The following RBFOX3 variants were observed in gnomAD, a reference collection of about 807,000 sequenced individuals.
The protein encoded by RBFOX3 is RNA binding protein fox-1 homolog 3.
A neutral mutation model predicts 48.7 loss-of-function variants in RBFOX3; 17 were observed. The ratio of observed to expected loss-of-function variants is 0.35; its 90% CI spans 0.24 to 0.52. RBFOX3 has a LOEUF of 0.52. Ranked by LOEUF, RBFOX3 falls within the 20% of genes least tolerant of loss-of-function variation. RBFOX3 has a pLI of 0.94. For synonymous variants in RBFOX3, 212 were observed against 209.5 expected, an observed-to-expected ratio of 1.01 and a Z score of -0.10; for missense variants, 382 against 497.5, an observed-to-expected ratio of 0.77 and a Z score of 2.21.
intron 2 of RBFOX3, among the ~76,000 whole-genome samples, chr17:79,347,171 TC>T (rs1239913054): frequency 6.6e-6 from 1 of 152,226 alleles, no homozygotes; most frequent in Admixed American, 6.5e-5. Flanking sequence ...AATATATCAC[TC>T]CATTGTCTTC....
chr17:79,182,517 A>T (rs2052274317), intron 4 of RBFOX3, among the ~76,000 whole-genome samples: 1 of 152,036 alleles, frequency 6.6e-6, no homozygotes, highest in South Asian at 2.1e-4. Flanking sequence ...GTGGCAGCGC[A>T]GGACCCCCGT....
At chr17:79,376,987 C>T (rs1253831540) in intron 2 of RBFOX3, among the ~76,000 whole-genome samples, 8 of 152,110 alleles carry the variant, frequency 5.3e-5, no homozygotes, top group Non-Finnish European at 8.8e-5. Flanking sequence ...GACCAAGGCT[C>T]GCTGCTCCCT....
At position 79,471,829 on chromosome 17, in the gene RBFOX3, C is replaced by T. The variant is rs1022882374; in HGVS notation, c.-175+10625G>A. ...CACACCTAGCGCCCCGTGTGTGACC[C>T]GGGATCCCACCGTTCTCCAGGGTCG... is the stretch of plus-strand genomic sequence containing the variant. On this transcript the variant is annotated intron_variant, in intron 2 of 14. Transcript: ENST00000693108. The surrounding 1 kb of genome is among the most constrained non-coding windows in gnomAD (Gnocchi z 4.0). Among the ~76,000 whole-genome samples, 1 of 152,122 alleles carries T rather than the reference C, an allele frequency of 6.6e-6. No homozygotes were observed.
At chr17:79,141,973 AGAG>A (rs2042010639) in intron 4 of RBFOX3, among the ~76,000 whole-genome samples, 2 of 152,204 alleles carry the variant, frequency 1.3e-5, no homozygotes, top group Non-Finnish European at 1.5e-5. Context: ...ACCCTGAGAA[AGAG>A]GAGGAGACGG....
At chr17:79,547,992 C>T (rs1555792482) in intron 1 of RBFOX3, among the ~76,000 whole-genome samples, 1 of 152,198 alleles carries the variant, frequency 6.6e-6, no homozygotes, top group Non-Finnish European at 1.5e-5. Context: ...GGACCAGCTT[C>T]CCTCCTCACC....
chr17:79,483,806 C>CA (rs1358554955), intron 1 of RBFOX3, among the ~76,000 whole-genome samples: 10 of 152,224 alleles, frequency 6.6e-5, no homozygotes, highest in Non-Finnish European at 2.9e-5. Flanking sequence ...AATGAACCCA[C>CA]AAAAGTTACT....
At chr17:79,206,973 C>T (rs2057590991) in intron 4 of RBFOX3, among the ~76,000 whole-genome samples, 1 of 152,166 alleles carries the variant, frequency 6.6e-6, no homozygotes, top group Admixed American at 6.5e-5. Context: ...CAAAATAAAC[C>T]TCCTGCATGC....
At chr17:79,371,574 C>A (rs11650345) in intron 2 of RBFOX3, among the ~76,000 whole-genome samples, 19,284 of 152,166 alleles carry the variant, frequency 0.13, 1,700 homozygotes, top group Non-Finnish European at 0.2. Flanking sequence ...AAAATCGAGA[C>A]GCCCAGAGTG....
intron 1 of RBFOX3, among the ~76,000 whole-genome samples, chr17:79,495,481 CAAGAAGGTGG>C (rs2081323796): frequency 1.2e-4 from 1 of 8,414 alleles, no homozygotes; most frequent in Non-Finnish European, 2.2e-4. Flanking sequence ...TGCAAAAAGG[CAAGAAGGTGG>C]GGGAGGGGTG....
At chr17:79,547,652 T>A (rs2090627851) in intron 1 of RBFOX3, among the ~76,000 whole-genome samples, 2 of 152,032 alleles carry the variant, frequency 1.3e-5, no homozygotes, top group African/African-American at 4.8e-5. Flanking sequence ...TCGGGGAACA[T>A]CCACTGGGGA....
chr17:79,339,063 CT>C (rs71365555), intron 2 of RBFOX3, among the ~76,000 whole-genome samples: 49,469 of 146,382 alleles, frequency 0.34, 8,915 homozygotes, highest in South Asian at 0.45. Context: ...CTTTTCTTTT[CT>C]TTTTTTTTTT....
chr17:79,371,491 C>T (rs774672782), intron 2 of RBFOX3, among the ~76,000 whole-genome samples: 1 of 152,160 alleles, frequency 6.6e-6, no homozygotes. Context: ...AGACCCCATG[C>T]AGTCTATCAG....
At chr17:79,448,540 G>A (rs1555739641) in intron 2 of RBFOX3, among the ~76,000 whole-genome samples, 2 of 152,278 alleles carry the variant, frequency 1.3e-5, no homozygotes, top group East Asian at 1.9e-4. Flanking sequence ...GAACACCTGG[G>A]GCCGAGAAGC....
chr17:79,163,693 G>A (rs7223575), intron 4 of RBFOX3, among the ~76,000 whole-genome samples: 14,289 of 146,120 alleles, frequency 0.098, 738 homozygotes, highest in Non-Finnish European at 0.13. Context: ...CCCCCCACCC[G>A]CCCGCACCCC....
At chr17:79,404,688 G>A (rs1421101229) in intron 2 of RBFOX3, among the ~76,000 whole-genome samples, 1 of 152,000 alleles carries the variant, frequency 6.6e-6, no homozygotes, top group Non-Finnish European at 1.5e-5. Flanking sequence ...CACTCACTGG[G>A]CCCAGTCCTG....
At position 79,477,401 on chromosome 17, in the gene RBFOX3, A is replaced by G. The variant is rs2078029708; in HGVS notation, c.-175+5053T>C. Among the ~76,000 whole-genome samples, 1 of 149,256 alleles carries G rather than the reference A, an allele frequency of 6.7e-6. No individual in the cohort carries two copies. Among genetic ancestry groups the G allele is most frequent in the African/African-American group, 2.5e-5 (1 of 40,518 alleles). ...GAAACCCCGTCTCTACTAAAAATAC[A>G]AAACATTAGCCAGACGTGGTGGCGG... On this transcript the variant is annotated intron_variant, in intron 2 of 14. Coordinates refer to ENST00000693108, the MANE Select transcript of RBFOX3 (RefSeq NM_001350451.2). This position sits in a 1 kb window ranked among gnomAD's most constrained non-coding sequence, Gnocchi z 4.8.
chr17:79,440,175 T>C (rs1194851175), intron 2 of RBFOX3, among the ~76,000 whole-genome samples: 2 of 152,178 alleles, frequency 1.3e-5, no homozygotes, highest in African/African-American at 4.8e-5. Flanking sequence ...TAAAGCCGTG[T>C]CTAATTTGCA....
intron 4 of RBFOX3, among the ~76,000 whole-genome samples, chr17:79,197,874 A>T (rs1346559260): frequency 1.3e-5 from 2 of 152,104 alleles, no homozygotes; most frequent in African/African-American, 4.8e-5. Context: ...AGGGAGCCGG[A>T]AACCCAAAGA....
chr17:79,468,981 TGG>T (rs879993054), intron 2 of RBFOX3, among the ~76,000 whole-genome samples: 9,469 of 104,264 alleles, frequency 0.091, 517 homozygotes, highest in African/African-American at 0.14. Flanking sequence ...GATGGATGGA[TGG>T]ATGGATAGCA....
Sources: allele counts gnomAD v4.1 joint callset (sites outside exome capture counted in the v4.1 genomes callset), GRCh38; gene constraint gnomAD v4.1.1; non-coding constraint Gnocchi (gnomAD v3.1); transcripts MANE v1.5; gene names NCBI Gene and HGNC (gene_info 2026-07-23, HGNC 2026-07-21).